The following NCOA2 variants were observed in gnomAD, a reference collection of about 807,000 sequenced individuals.
NCOA2 encodes the protein nuclear receptor coactivator 2.
Under a neutral mutation model 145.1 loss-of-function variants are expected in NCOA2, and 21 were observed. That is an observed-to-expected ratio of 0.14 (90% CI 0.10 to 0.21). The LOEUF (loss-of-function observed/expected upper bound fraction) is 0.21. Among genes scored for constraint, NCOA2 ranks in the 10% least tolerant of loss-of-function variants. The pLI is 1.00. For missense variants in NCOA2, 1,472 were observed against 1,837.6 expected (o/e 0.80, Z 3.64); for synonymous variants, 619 against 637.5 (o/e 0.97, Z 0.44).
At chr8:70,371,376 T>C (rs1293451577) in intron 1 of NCOA2, among the ~76,000 whole-genome samples, 1 of 152,074 alleles carries the variant, frequency 6.6e-6, no homozygotes, top group African/African-American at 2.4e-5. Context: ...AATTCTGAAA[T>C]GTCTTTTTCT....
At chr8:70,429,901 G>A in the NCOA2 span, among the ~76,000 whole-genome samples, 2 of 152,014 alleles carry the variant, frequency 1.3e-5, no homozygotes, top group African/African-American at 4.8e-5. Flanking sequence ...AGACAGGGTC[G>A]CCCTCCGTCA....
At chr8:70,151,072 G>C (rs1376698934) in intron 11 of NCOA2, among the ~76,000 whole-genome samples, 1 of 152,154 alleles carries the variant, frequency 6.6e-6, no homozygotes, top group Non-Finnish European at 1.5e-5. Context: ...CATGTGTGGG[G>C]GTGAGGGAGG....
chr8:70,434,287 A>G, the NCOA2 span, among the ~76,000 whole-genome samples: 1 of 152,220 alleles, frequency 6.6e-6, no homozygotes, highest in Non-Finnish European at 1.5e-5. Context: ...TTTTAAGAAA[A>G]CTTCAATAAT....
chr8:70,404,282 C>G (rs548161801), upstream of NCOA2, among the ~76,000 whole-genome samples: 11 of 152,374 alleles, frequency 7.2e-5, no homozygotes, highest in African/African-American at 2.4e-4. Context: ...AAAAAGAAAA[C>G]TAGCGACTGG....
intron 2 of NCOA2, among the ~76,000 whole-genome samples, chr8:70,235,771 G>A (rs577770166): frequency 3.9e-5 from 6 of 152,296 alleles, no homozygotes; most frequent in Non-Finnish European, 5.9e-5. Flanking sequence ...TTGAGCCCAG[G>A]AGATCAAGGC....
At chr8:70,181,527 A>G (rs62533471) in intron 4 of NCOA2, among the ~76,000 whole-genome samples, 4 of 152,232 alleles carry the variant, frequency 2.6e-5, no homozygotes, top group Non-Finnish European at 5.9e-5. Flanking sequence ...CCTGATGTGT[A>G]AAGACAATTA....
the NCOA2 span, among the ~76,000 whole-genome samples, chr8:70,423,870 G>T: frequency 1.3e-5 from 2 of 152,066 alleles, no homozygotes; most frequent in Non-Finnish European, 2.9e-5. Flanking sequence ...GCCAGCACAG[G>T]GTCCCCGACA....
In NCOA2 at chr8:70,124,052, A is replaced by C; in HGVS notation, c.4125T>G (p.Phe1375Leu). The change falls in exon 21 of 23, where the codon TTT (phenylalanine) becomes TTG (leucine). Residue 1375 changes from phenylalanine to leucine, a missense_variant. Phe to Leu is a conservative substitution (Grantham distance 22). Coordinates refer to ENST00000452400, the MANE Select transcript of NCOA2 (RefSeq NM_006540.4). Reference protein sequence around the residue: ...SMFSQQSPPHFGQQANTSMYS... With the variant: ...SMFSQQSPPHLGQQANTSMYS... ...ACATGCTGGTGTTTGCTTGCTGCCCAAAGTGTGGTGGGGACTGCTGGGAAA... is the reference window on the plus strand; with the variant it reads ...ACATGCTGGTGTTTGCTTGCTGCCCCAAGTGTGGTGGGGACTGCTGGGAAA... 6.2e-7 allele frequency: 1 copy of C among 1,613,856 alleles called. No individual in the cohort carries two copies. Among genetic ancestry groups the C allele is most frequent in the Non-Finnish European group, 8.5e-7 (1 of 1,179,812 alleles).
At position 70,131,931 on chromosome 8, in the gene NCOA2, C is replaced by G. The variant is rs1184626487; in HGVS notation, c.3230G>C (p.Gly1077Ala). 6.2e-7 allele frequency: 1 copy of G among 1,610,680 alleles called. No individual in the cohort carries two copies. The highest frequency in any genetic ancestry group is 1.3e-5 in the African/African-American group (1 of 75,012). ...HPAAESPSDE[G>A]ALLDQLYLAL... ...CAGATACAGCTGGTCCAGGAGAGCT[C>G]CCTCATCACTCGGAGACTCAGCTGC... The change falls in exon 16 of 23, where the codon GGA becomes GCA. Residue 1077 changes from glycine to alanine, a missense_variant. Physicochemically the swap from Gly to Ala is moderately conservative, Grantham distance 60. Coordinates refer to ENST00000452400, the MANE Select transcript of NCOA2 (RefSeq NM_006540.4).
At chr8:70,299,355 G>C (rs1300670226) in intron 1 of NCOA2, among the ~76,000 whole-genome samples, 3 of 152,100 alleles carry the variant, frequency 2.0e-5, no homozygotes, top group Non-Finnish European at 2.9e-5. Context: ...GGAAGGAGTA[G>C]GGATAATTTT....
chr8:70,403,587 T>C (rs1814592850), intron 1 of NCOA2, 113 bp downstream of exon 1: 1 of 315,848 alleles, frequency 3.2e-6, no homozygotes, highest in African/African-American at 2.2e-5. Flanking sequence ...CGCACGGCTC[T>C]GTCGGAGCTC....
Position 70,129,131 on chromosome 8 carries a change from A to C in NCOA2, c.3325-151T>G, listed in dbSNP as rs561719718. 5.9e-5 allele frequency among the ~76,000 whole-genome samples: 9 copies of C among 152,052 alleles called. No individual in the cohort carries two copies. In the East Asian group the frequency reaches 1.7e-3, roughly 29 times the overall value. ...TACACAAAGGTACCTTTAGAGCTTG[A>C]CTCCACTTGTCTTTCTAGAAAATGC... On this transcript the variant is annotated intron_variant, in intron 16 of 22. Coordinates refer to ENST00000452400, the MANE Select transcript of NCOA2 (RefSeq NM_006540.4).
At chr8:70,233,522 A>T (rs1403665476) in intron 2 of NCOA2, among the ~76,000 whole-genome samples, 1 of 152,164 alleles carries the variant, frequency 6.6e-6, no homozygotes, top group Non-Finnish European at 1.5e-5. Flanking sequence ...TGACCCAAAG[A>T]TATTGTATCT....
At chr8:70,442,093 G>C in the NCOA2 span, among the ~76,000 whole-genome samples, 1 of 140,298 alleles carries the variant, frequency 7.1e-6, no homozygotes, top group Non-Finnish European at 1.5e-5. Context: ...AGAGAAGAAA[G>C]AAAGAAGAAA....
At chr8:70,293,791 C>T (rs1826884130) in intron 2 of NCOA2, among the ~76,000 whole-genome samples, 1 of 152,096 alleles carries the variant, frequency 6.6e-6, no homozygotes, top group African/African-American at 2.4e-5. Context: ...TTTAAAAATG[C>T]TTAAAATGTG....
intron 2 of NCOA2, among the ~76,000 whole-genome samples, chr8:70,271,434 T>C (rs945579484): frequency 1.2e-4 from 19 of 152,238 alleles, no homozygotes; most frequent in Admixed American, 2.6e-4. Flanking sequence ...TATGCTCTTT[T>C]GTAATCTCTA....
chr8:70,333,638 G>T (rs1375363027), intron 1 of NCOA2, among the ~76,000 whole-genome samples: 1 of 152,090 alleles, frequency 6.6e-6, no homozygotes, highest in Non-Finnish European at 1.5e-5. Flanking sequence ...ACTGGCCTAG[G>T]CACACCAGTG....
Position 70,113,443 on chromosome 8 carries a change from G to C in NCOA2, c.*189C>G, listed in dbSNP as rs1221098780. 1.6e-6 allele frequency: 1 copy of C among 619,050 alleles called. No homozygotes were observed. The highest frequency in any genetic ancestry group is 1.8e-5 in the African/African-American group (1 of 54,150). The allele number at this position is 619,050 out of a possible 1,614,324, so 38.3% of individuals were successfully genotyped here. A position where few individuals can be genotyped will look rare whatever the true frequency, so the allele number is the denominator to read the frequency against. On this transcript the variant is annotated 3_prime_UTR_variant, in exon 23 of 23. Coordinates refer to ENST00000452400, the MANE Select transcript of NCOA2 (RefSeq NM_006540.4). Reference sequence around the variant, plus strand: ...CTGGATGCGAGCTTCAGACTGTCAAGAGAAGAGGCAGCTCCTCCTGCCACA... The same window carrying C: ...CTGGATGCGAGCTTCAGACTGTCAACAGAAGAGGCAGCTCCTCCTGCCACA...
chr8:70,352,243 G>C (rs1181103768), intron 1 of NCOA2, among the ~76,000 whole-genome samples: 1 of 152,118 alleles, frequency 6.6e-6, no homozygotes, highest in East Asian at 1.9e-4. Flanking sequence ...CGTTAGGTAA[G>C]TGCTATTATG....
Sources: allele counts gnomAD v4.1 joint callset (sites outside exome capture counted in the v4.1 genomes callset), GRCh38; gene constraint gnomAD v4.1.1; transcripts MANE v1.5; gene names NCBI Gene and HGNC (gene_info 2026-07-23, HGNC 2026-07-21).